The following RAVER2 variants were observed in gnomAD, a reference collection of about 807,000 sequenced individuals.
The protein encoded by RAVER2 is ribonucleoprotein, PTB binding 2.
In RAVER2, 46 loss-of-function variants were observed where a neutral mutation model predicts 78.1. That is an observed-to-expected ratio of 0.59 (90% CI 0.46 to 0.75). The LOEUF (loss-of-function observed/expected upper bound fraction) is 0.75. Ranked by LOEUF, RAVER2 falls within the 30% of genes least tolerant of loss-of-function variation. The pLI is 0.00. For synonymous variants in RAVER2, 311 were observed against 313.3 expected, an observed-to-expected ratio of 0.99 and a Z score of 0.08; for missense variants, 793 against 837.5, an observed-to-expected ratio of 0.95 and a Z score of 0.66.
At chr1:64,752,481 A>G (rs1015607415) in intron 1 of RAVER2, among the ~76,000 whole-genome samples, 2 of 152,066 alleles carry the variant, frequency 1.3e-5, no homozygotes, top group African/African-American at 4.8e-5. Flanking sequence ...AGTTCTCCCC[A>G]GTTAGTTTCT....
intron 1 of RAVER2, among the ~76,000 whole-genome samples, chr1:64,752,494 G>A (rs767399514): frequency 3.3e-5 from 5 of 152,172 alleles, no homozygotes; most frequent in African/African-American, 4.8e-5. Flanking sequence ...TAGTTTCTGA[G>A]TGTGCCTTCT....
intron 4 of RAVER2, among the ~76,000 whole-genome samples, chr1:64,783,642 C>A (rs930899548): frequency 3.9e-5 from 6 of 152,022 alleles, no homozygotes; most frequent in Non-Finnish European, 8.8e-5. Context: ...GATATATTAG[C>A]CCTTTGTCAC....
intron 1 of RAVER2, among the ~76,000 whole-genome samples, chr1:64,766,772 C>T (rs1652185854): frequency 6.6e-6 from 1 of 152,134 alleles, no homozygotes; most frequent in Non-Finnish European, 1.5e-5. Flanking sequence ...ACTAAAAGCA[C>T]ACACTGGATC....
chr1:64,779,471 C>A (rs532123429), intron 3 of RAVER2, among the ~76,000 whole-genome samples: 3 of 151,920 alleles, frequency 2.0e-5, no homozygotes. Context: ...TAGGTTCAAG[C>A]GATCTTCTTG....
At chr1:64,765,104 A>G (rs1345486022) in intron 1 of RAVER2, among the ~76,000 whole-genome samples, 1 of 152,212 alleles carries the variant, frequency 6.6e-6, no homozygotes, top group Non-Finnish European at 1.5e-5. Flanking sequence ...CTTAAGTCTG[A>G]TAACACCAAG....
In RAVER2 at chr1:64,821,956, G is replaced by A. The variant is rs969724916; in HGVS notation, c.1929+7116G>A. 1.2e-4 allele frequency among the ~76,000 whole-genome samples: 19 copies of A among 152,296 alleles called. 1 individual carries two copies. Among genetic ancestry groups the A allele is most frequent in the African/African-American group, 4.1e-4 (17 of 41,560 alleles). On this transcript the variant is annotated intron_variant, in intron 11 of 11. Coordinates refer to ENST00000294428, the Ensembl canonical transcript of RAVER2. ...GTAAACACTGGACTTACTAGACAAC[G>A]ATTTGAATTAAAGGGAGCCATGTCT...
At chr1:64,811,512 C>G (rs1195346149) in intron 9 of RAVER2, among the ~76,000 whole-genome samples, 1 of 152,116 alleles carries the variant, frequency 6.6e-6, no homozygotes, top group African/African-American at 2.4e-5. Flanking sequence ...TTGATGTGTA[C>G]CACAGATTGA....
exon 12 of RAVER2, chr1:64,833,093 G>GTTTGT (rs3834762): frequency 1.2e-5 from 2 of 168,144 alleles, no homozygotes; most frequent in Non-Finnish European, 2.5e-5. Flanking sequence ...ATCAAGTGGT[G>GTTTGT]TTTGTTTGTT....
chr1:64,794,108 TG>T (rs1251204987), intron 5 of RAVER2, among the ~76,000 whole-genome samples: 3 of 152,100 alleles, frequency 2.0e-5, no homozygotes, highest in African/African-American at 7.2e-5. Flanking sequence ...TATGTTTAAG[TG>T]GTAAGAAACT....
chr1:64,745,299 G>T lies in RAVER2; in HGVS notation c.127G>T (p.Asp43Tyr). 1 of 1,502,172 alleles carries T rather than the reference G, an allele frequency of 6.7e-7. No homozygotes were observed. The highest frequency in any genetic ancestry group is 1.2e-5 in the South Asian group (1 of 81,776). The allele number at this position is 1,502,172 out of a possible 1,614,324, so 93.1% of individuals were successfully genotyped here. ...AGCCGAAGCGCACGAGGGCGCCCCG[G>T]ACCCGATGCCCGCCGCGCTGCACCC... Residue 43 changes from aspartate (D) to tyrosine (Y), a missense_variant, in exon 1 of 12, where the codon GAC becomes TAC. By Grantham distance (160) the Asp-to-Tyr change is radical. Transcript: ENST00000294428. The surrounding 1 kb of genome is among the most constrained non-coding windows in gnomAD (Gnocchi z 4.3).
exon 12 of RAVER2, chr1:64,831,479 A>G (rs1213929806): frequency 6.6e-6 from 1 of 152,558 alleles, no homozygotes; most frequent in African/African-American, 2.4e-5. Context: ...GTAATATTAT[A>G]AAGATGCTCT....
At chr1:64,808,592 G>A (rs1185919431) in intron 9 of RAVER2, among the ~76,000 whole-genome samples, 1 of 150,620 alleles carries the variant, frequency 6.6e-6, no homozygotes, top group East Asian at 2.0e-4. Flanking sequence ...CTTCCAAGTA[G>A]CTGGGATTAC....
exon 12 of RAVER2, chr1:64,831,235 A>G (rs535911153): frequency 4.9e-5 from 15 of 303,628 alleles, no homozygotes; most frequent in African/African-American, 3.2e-4. Context: ...CCATTGGAGA[A>G]ACTAACAATG....
At chr1:64,789,227 C>A (rs1479817554) in intron 4 of RAVER2, among the ~76,000 whole-genome samples, 161 bp from the exon 5 acceptor site, 1 of 152,164 alleles carries the variant, frequency 6.6e-6, no homozygotes. Flanking sequence ...TAATTGAGAA[C>A]TGCAGTAGAG....
chr1:64,822,392 TATG>T lies in RAVER2; in HGVS notation c.1929+7555_1929+7557del, dbSNP rs575646261. On this transcript the variant is annotated intron_variant, in intron 11 of 11. Transcript: ENST00000294428. ...AAATATAAATTCTTGATTTGGAAAG[TATG>T]ATAACAAATGAAAAATTTACTACAG... is the stretch of plus-strand genomic sequence containing the variant. Among the ~76,000 whole-genome samples, 27 of 152,314 alleles carry T rather than the reference TATG, an allele frequency of 1.8e-4. No individual in the cohort carries two copies. The East Asian group carries it at 5.2e-3, about 29-fold the overall frequency.
intron 9 of RAVER2, among the ~76,000 whole-genome samples, chr1:64,810,516 C>T (rs1170925603): frequency 6.6e-6 from 1 of 152,154 alleles, no homozygotes; most frequent in Non-Finnish European, 1.5e-5. Flanking sequence ...ACCTCATTAC[C>T]TCCCAAAGGC....
chr1:64,754,805 A>G (rs1651804938), intron 1 of RAVER2, among the ~76,000 whole-genome samples: 1 of 152,196 alleles, frequency 6.6e-6, no homozygotes, highest in Non-Finnish European at 1.5e-5. Flanking sequence ...CTGAGTAGGG[A>G]CCATTTGGGC....
rs527390553 is a variant in RAVER2 at position 64,826,228 on chromosome 1, A to T, written c.1930-4611A>T. Among the ~76,000 whole-genome samples, 5 of 152,382 alleles carry T rather than the reference A, an allele frequency of 3.3e-5. No individual in the cohort carries two copies. In the South Asian group the frequency reaches 1.0e-3, roughly 32 times the overall value. On this transcript the variant is annotated intron_variant, in intron 11 of 11. Coordinates refer to ENST00000294428, the Ensembl canonical transcript of RAVER2. ...CAATGAACAAAACATCAAAATCCTT[A>T]TAAGAATGGAACTTACATTTAGGGG... is the stretch of plus-strand genomic sequence containing the variant.
chr1:64,766,823 A>G (rs1476646049), intron 1 of RAVER2, among the ~76,000 whole-genome samples: 1 of 152,138 alleles, frequency 6.6e-6, no homozygotes, highest in African/African-American at 2.4e-5. Flanking sequence ...AAAGTATTAA[A>G]TTCGTTGATT....
Sources: allele counts gnomAD v4.1 joint callset (sites outside exome capture counted in the v4.1 genomes callset), GRCh38; gene constraint gnomAD v4.1.1; non-coding constraint Gnocchi (gnomAD v3.1); transcripts MANE v1.5; gene names NCBI Gene and HGNC (gene_info 2026-07-23, HGNC 2026-07-21).